Variants in BRWD1 observed in about 807,000 individuals in gnomAD.
BRWD1 encodes the protein bromodomain and WD repeat-containing protein 1.
A neutral mutation model predicts 251.2 loss-of-function variants in BRWD1; 82 were observed. The ratio of observed to expected loss-of-function variants is 0.33; its 90% CI spans 0.27 to 0.39. The LOEUF (loss-of-function observed/expected upper bound fraction) is 0.39, where lower values mean the gene tolerates loss of function less well. Ranked by LOEUF, BRWD1 falls within the 10% of genes least tolerant of loss-of-function variation. The pLI is 1.00. For missense variants in BRWD1, 2,233 were observed against 2,711.6 expected (o/e 0.82, Z 3.92); for synonymous variants, 918 against 902.8 (o/e 1.02, Z -0.30).
chr21:39,310,249 C>T lies in BRWD1; in HGVS notation c.198+2592G>A, dbSNP rs139362761. On this transcript the variant is annotated intron_variant, in intron 4 of 40. Transcript: ENST00000342449. ...CAAATTTGTTGGCCAGGCGCAGTGGCTCACGCCTGTAATCCCAGCACTTTG... is the reference window on the plus strand; with the variant it reads ...CAAATTTGTTGGCCAGGCGCAGTGGTTCACGCCTGTAATCCCAGCACTTTG... Among the ~76,000 whole-genome samples the T allele has an allele frequency of 9.8e-5, 15 of 152,352 alleles. No individual in the cohort carries two copies. The East Asian group carries it at 2.7e-3, about 27-fold the overall frequency.
At chr21:39,296,000 T>C (rs2035952400) in intron 6 of BRWD1, 97 bp from the exon 7 acceptor site, 1 of 1,096,532 alleles carries the variant, frequency 9.1e-7, no homozygotes, top group Non-Finnish European at 1.2e-6. Flanking sequence ...CACAAAAATC[T>C]ATGTTCAAGA....
At position 39,194,538 on chromosome 21, in the gene BRWD1, A is replaced by C; in HGVS notation, c.*1721T>G. The C allele has an allele frequency of 6.9e-7, 1 of 1,439,652 alleles. No homozygotes were observed. The highest frequency in any genetic ancestry group is 1.4e-5 in the African/African-American group (1 of 69,844). 89.2% of individuals were successfully genotyped at this position (1,439,652 alleles called of 1,614,324 possible). A position where few individuals can be genotyped will look rare whatever the true frequency, so the allele number is the denominator to read the frequency against. ...AAATGGTGATAGCTCTCTAAGCCAC[A>C]AATGAGAGGAGGTTTCCCACCTATC... is the stretch of plus-strand genomic sequence containing the variant. On this transcript the variant is annotated 3_prime_UTR_variant, in exon 41 of 41. Transcript: ENST00000342449.
intron 4 of BRWD1, among the ~76,000 whole-genome samples, chr21:39,302,442 A>G (rs1047572927): frequency 2.0e-5 from 3 of 152,208 alleles, no homozygotes; most frequent in Non-Finnish European, 2.9e-5. Flanking sequence ...CAGTAACAAC[A>G]TCTTGAAACT....
At chr21:39,306,505 G>C (rs565292183) in intron 4 of BRWD1, among the ~76,000 whole-genome samples, 1 of 152,146 alleles carries the variant, frequency 6.6e-6, no homozygotes. Flanking sequence ...GAATTCGGAA[G>C]GACTAGGTTT....
chr21:39,244,921 A>AATATATACATATATATATATAT (rs2034126712), intron 21 of BRWD1, among the ~76,000 whole-genome samples: 1 of 112,524 alleles, frequency 8.9e-6, no homozygotes, highest in Non-Finnish European at 1.9e-5. Flanking sequence ...CTTTGGAAGA[A>AATATATACATATATATATATAT]ATATATATAT....
intron 11 of BRWD1, 144 bp from the exon 12 acceptor site, chr21:39,276,357 T>G (rs1267486258): frequency 2.3e-5 from 12 of 524,850 alleles, no homozygotes; most frequent in Non-Finnish European, 3.2e-5. Flanking sequence ...ATTCAACATG[T>G]TTTATAATTT....
Position 39,193,569 on chromosome 21 carries a change from A to G in BRWD1, c.*2690T>C, listed in dbSNP as rs1568848946. ...AAAGCCTGTAAAACCATAAATGAAT[A>G]AAACCATAGGACTTTGGACATACAC... is the stretch of plus-strand genomic sequence containing the variant. On this transcript the variant is annotated 3_prime_UTR_variant, in exon 41 of 41. Transcript: ENST00000342449. The G allele has an allele frequency of 1.0e-5, 10 of 985,468 alleles. No individual in the cohort carries two copies. Among genetic ancestry groups the G allele is most frequent in the Non-Finnish European group, 1.2e-5 (10 of 829,736 alleles). 61.0% of individuals were successfully genotyped at this position (985,468 alleles called of 1,614,324 possible).
At chr21:39,261,918 C>T (rs1178756326) in intron 17 of BRWD1, among the ~76,000 whole-genome samples, 1 of 151,868 alleles carries the variant, frequency 6.6e-6, no homozygotes, top group Non-Finnish European at 1.5e-5. Flanking sequence ...TACTTAAATC[C>T]CAATTAAAAG....
rs1232476716 is a variant in BRWD1, at chr21:39,265,492, A to G, written c.1531-473T>C. 3.3e-5 allele frequency among the ~76,000 whole-genome samples: 5 copies of G among 152,202 alleles called. No homozygotes were observed. In the East Asian group the frequency reaches 7.7e-4, roughly 23 times the overall value. On this transcript the variant is annotated intron_variant, in intron 15 of 40. Transcript: ENST00000342449. ...ATACATCAATCACTATTCCAAAAAA[A>G]TAAAATTGATTTTGGATACAACTAG...
chr21:39,298,254 A>G (rs2036010969), intron 5 of BRWD1, 178 bp downstream of exon 5: 1 of 1,262,784 alleles, frequency 7.9e-7, no homozygotes, highest in African/African-American at 1.5e-5. Context: ...AGAAGGACCC[A>G]TTAAACACTT....
At chr21:39,284,474 C>A (rs2035568337) in intron 8 of BRWD1, among the ~76,000 whole-genome samples, 1 of 152,198 alleles carries the variant, frequency 6.6e-6, no homozygotes, top group Non-Finnish European at 1.5e-5. Flanking sequence ...AGAGAACCTG[C>A]CTCTGGGGGA....
chr21:39,301,978 G>GTGT (rs1555877803), intron 4 of BRWD1, among the ~76,000 whole-genome samples: 10 of 79,868 alleles, frequency 1.3e-4, no homozygotes, highest in East Asian at 8.1e-4. Context: ...AGCTTTGTGT[G>GTGT]TTTTTTTTTT....
At position 39,233,455 on chromosome 21, in the gene BRWD1, CAAAT is replaced by C. The variant is rs147555948; in HGVS notation, c.2767-961_2767-958del. 4.6e-3 allele frequency among the ~76,000 whole-genome samples: 704 copies of C among 151,956 alleles called. 8 individuals carry two copies. The highest frequency in any genetic ancestry group is 0.016 in the African/African-American group (664 of 41,450). On this transcript the variant is annotated intron_variant, in intron 23 of 40. Transcript: ENST00000342449. ...CTGCTTGAAATCAGCACAGTGTACACAAATAAATAGGGATGTTATTAAATGAAGA... is the reference window on the plus strand; with the variant it reads ...CTGCTTGAAATCAGCACAGTGTACACAAATAGGGATGTTATTAAATGAAGA...
intron 8 of BRWD1, among the ~76,000 whole-genome samples, chr21:39,284,559 C>G (rs2091130668): frequency 6.6e-6 from 1 of 152,158 alleles, no homozygotes; most frequent in Non-Finnish European, 1.5e-5. Flanking sequence ...CATAAGAGTT[C>G]CCCTTTCTCC....
intron 8 of BRWD1, among the ~76,000 whole-genome samples, chr21:39,284,710 C>T (rs1176747794): frequency 6.6e-6 from 1 of 152,078 alleles, no homozygotes; most frequent in African/African-American, 2.4e-5. Context: ...TATCTGTCAG[C>T]CATTTGTATG....
chr21:39,242,048 A>C (rs1329133968), intron 21 of BRWD1, among the ~76,000 whole-genome samples: 1 of 152,228 alleles, frequency 6.6e-6, no homozygotes, highest in African/African-American at 2.4e-5. Context: ...ATAGCTTCTA[A>C]GTATTCAAAA....
intron 13 of BRWD1, among the ~76,000 whole-genome samples, chr21:39,271,211 G>A (rs193287686): frequency 5.9e-5 from 9 of 152,242 alleles, no homozygotes; most frequent in African/African-American, 2.2e-4. Flanking sequence ...AGAATCATTG[G>A]AACCTGGGAG....
At chr21:39,281,877 A>T (rs1176167468) in intron 8 of BRWD1, among the ~76,000 whole-genome samples, 1 of 89,820 alleles carries the variant, frequency 1.1e-5, no homozygotes. Context: ...CCTACCAAAA[A>T]AAATATATAT....
chr21:39,293,904 C>T lies in BRWD1; in HGVS notation c.738G>A (p.Gly246=). 1 of 1,614,122 alleles carries T rather than the reference C, an allele frequency of 6.2e-7. No individual in the cohort carries two copies. The highest frequency in any genetic ancestry group is 1.1e-5 in the South Asian group (1 of 91,078). Residue 246 remains glycine (G), a synonymous_variant, in exon 8 of 41, where the codon GGG becomes GGA. Transcript: ENST00000342449. ...VNYENTMIAA[G]SCDKIIRVWC... ...ACACTCTAATAATTTTATCACAGCTCCCCGCAGCAATCATTGTATTCTCAT... is the reference window on the plus strand; with the variant it reads ...ACACTCTAATAATTTTATCACAGCTTCCCGCAGCAATCATTGTATTCTCAT...
Sources: allele counts gnomAD v4.1 joint callset (sites outside exome capture counted in the v4.1 genomes callset), GRCh38; gene constraint gnomAD v4.1.1; transcripts MANE v1.5; gene names NCBI Gene and HGNC (gene_info 2026-07-23, HGNC 2026-07-21).